Variants in ANKRD28 observed in about 807,000 individuals in gnomAD.
ANKRD28 encodes ankyrin repeat domain 28, also known as serine/threonine-protein phosphatase 6 regulatory ankyrin repeat subunit A.
A neutral mutation model predicts 126.5 loss-of-function variants in ANKRD28; 44 were observed. The ratio of observed to expected loss-of-function variants is 0.35; its 90% CI spans 0.27 to 0.45. The LOEUF is 0.45. Among genes scored for constraint, ANKRD28 ranks in the 20% least tolerant of loss-of-function variants. ANKRD28 has a pLI of 1.00. For missense variants in ANKRD28, 1,110 were observed against 1,316.6 expected (o/e 0.84, Z 2.43); for synonymous variants, 442 against 468.5 (o/e 0.94, Z 0.73).
chr3:15,721,662 T>C (rs1031554427), intron 7 of ANKRD28, among the ~76,000 whole-genome samples: 2 of 152,254 alleles, frequency 1.3e-5, no homozygotes, highest in Non-Finnish European at 2.9e-5. Context: ...GCTCTAAATA[T>C]CTTCCAGTGT....
At chr3:15,800,223 A>AT (rs1227384362), upstream of ANKRD28, among the ~76,000 whole-genome samples, 1 of 152,028 alleles carries the variant, frequency 6.6e-6, no homozygotes, top group Non-Finnish European at 1.5e-5. Context: ...ACCTGCAAAG[A>AT]TTTTTGTCTA....
At chr3:15,822,140 A>C (rs1417849972) in intron 1 of ANKRD28, among the ~76,000 whole-genome samples, 2 of 152,208 alleles carry the variant, frequency 1.3e-5, no homozygotes, top group African/African-American at 4.8e-5. Context: ...ACTCATGAAG[A>C]CCCTAAACTT....
In ANKRD28 at chr3:15,695,771, C is replaced by T. The variant is rs114712759; in HGVS notation, c.1659+363G>A. 8.6e-3 allele frequency among the ~76,000 whole-genome samples: 1,312 copies of T among 152,042 alleles called. 20 individuals are homozygous for T. Among genetic ancestry groups the T allele is most frequent in the African/African-American group, 0.03 (1,226 of 41,496 alleles). ...GAAATAAATGTGCCTTTTGGAATTCCCTAAATATATGGGGGAGATATTCCT... is the reference window on the plus strand; with the variant it reads ...GAAATAAATGTGCCTTTTGGAATTCTCTAAATATATGGGGGAGATATTCCT... On this transcript the variant is annotated intron_variant, in intron 15 of 27. Coordinates refer to ENST00000683139, the MANE Select transcript of ANKRD28 (RefSeq NM_001349278.2).
At chr3:15,686,497 A>G in intron 18 of ANKRD28, 188 bp from the exon 19 acceptor site, 1 of 596,638 alleles carries the variant, frequency 1.7e-6, no homozygotes, top group Non-Finnish European at 2.9e-6. Flanking sequence ...AATAAATGTG[A>G]ATTCCTCACA....
At chr3:15,676,783 C>T in intron 26 of ANKRD28, 191 bp downstream of exon 26, 2 of 435,798 alleles carry the variant, frequency 4.6e-6, no homozygotes, top group East Asian at 3.9e-5. Flanking sequence ...AATTTCAGTT[C>T]AAAAGCATTT....
chr3:15,769,191 T>C (rs944538878), intron 2 of ANKRD28, among the ~76,000 whole-genome samples: 1 of 152,210 alleles, frequency 6.6e-6, no homozygotes, highest in Non-Finnish European at 1.5e-5. Context: ...TGGAATTCTA[T>C]GACTCAATGC....
intron 4 of ANKRD28, among the ~76,000 whole-genome samples, chr3:15,749,121 T>TTTTTTTTTTTTTTTTTTG: frequency 8.2e-6 from 1 of 121,356 alleles, no homozygotes; most frequent in East Asian, 2.6e-4. Flanking sequence ...TTTTTTTTTT[T>TTTTTTTTTTTTTTTTTTG]GAGACGGAGT....
upstream of ANKRD28, chr3:15,798,163 T>C: frequency 1.0e-6 from 1 of 985,412 alleles, no homozygotes; most frequent in South Asian, 4.7e-5. Flanking sequence ...AAATCTGGTG[T>C]ACTGCCTCTG....
At chr3:15,725,033 G>A (rs1329892660) in intron 6 of ANKRD28, among the ~76,000 whole-genome samples, 2 of 152,086 alleles carry the variant, frequency 1.3e-5, no homozygotes, top group Non-Finnish European at 2.9e-5. Flanking sequence ...GTAAGTGTTG[G>A]CAGAGACAAT....
At chr3:15,673,270 A>G (rs1273240967) in intron 27 of ANKRD28, among the ~76,000 whole-genome samples, 1 of 152,252 alleles carries the variant, frequency 6.6e-6, no homozygotes, top group Non-Finnish European at 1.5e-5. Context: ...TTTTAAGTGC[A>G]TCGTTAATAG....
chr3:15,850,198 AAAAAAAAT>A (rs1166090732), intron 1 of ANKRD28, among the ~76,000 whole-genome samples: 3 of 42,128 alleles, frequency 7.1e-5, no homozygotes, highest in African/African-American at 2.2e-4. Context: ...AATAAAAAAA[AAAAAAAAT>A]ATATATATAT....
chr3:15,761,526 A>G (rs2058457227), intron 3 of ANKRD28, among the ~76,000 whole-genome samples: 1 of 152,212 alleles, frequency 6.6e-6, no homozygotes, highest in Admixed American at 6.5e-5. Flanking sequence ...GGGCCTCAGC[A>G]ACCATGGCAT....
Position 15,797,976 on chromosome 3 carries a change from A to T in ANKRD28, c.-1455T>A. On this transcript the variant is annotated 5_prime_UTR_variant, in exon 1 of 28. Coordinates refer to ENST00000683139, the MANE Select transcript of ANKRD28 (RefSeq NM_001349278.2). ...TGCTCACATGTTACACTTACCAGAG[A>T]TCTGAGCTACTTCTCGGGATGTAAC... 2.0e-6 allele frequency: 2 copies of T among 985,396 alleles called. No individual in the cohort carries two copies. The highest frequency in any genetic ancestry group is 4.7e-5 in the South Asian group (1 of 21,288). The allele number at this position is 985,396 out of a possible 1,614,324, so 61.0% of individuals were successfully genotyped here.
At chr3:15,731,215 AT>A (rs2074569878) in intron 6 of ANKRD28, among the ~76,000 whole-genome samples, 1 of 152,234 alleles carries the variant, frequency 6.6e-6, no homozygotes, top group South Asian at 2.1e-4. Flanking sequence ...CAACAGAGCC[AT>A]TCTGGCCCCC....
At chr3:15,758,515 G>C (rs1004431237) in intron 3 of ANKRD28, among the ~76,000 whole-genome samples, 3 of 152,198 alleles carry the variant, frequency 2.0e-5, no homozygotes, top group African/African-American at 4.8e-5. Flanking sequence ...ATTAAAATGA[G>C]GTCATTAGGG....
chr3:15,670,625 G>A (rs942641143), intron 27 of ANKRD28, 69 bp from the exon 28 acceptor site: 25 of 1,450,492 alleles, frequency 1.7e-5, no homozygotes, highest in Middle Eastern at 3.6e-4. Context: ...AAGGAAATAA[G>A]CCTAAAGTAC....
At chr3:15,767,052 T>C (rs893396766) in intron 2 of ANKRD28, among the ~76,000 whole-genome samples, 1 of 152,208 alleles carries the variant, frequency 6.6e-6, no homozygotes, top group South Asian at 2.1e-4. Context: ...AGTTTTTTCT[T>C]AACATTCCTG....
intron 14 of ANKRD28, among the ~76,000 whole-genome samples, chr3:15,706,046 AC>A (rs2071327807): frequency 1.0e-5 from 1 of 95,434 alleles, no homozygotes; most frequent in South Asian, 2.9e-4. Flanking sequence ...ACAAAAACAA[AC>A]AAAAAACCCC....
At chr3:15,777,880 ACACACACACAC>A (rs2059362651) in intron 2 of ANKRD28, among the ~76,000 whole-genome samples, 1 of 150,904 alleles carries the variant, frequency 6.6e-6, no homozygotes, top group East Asian at 1.9e-4. Flanking sequence ...ACACACACAC[ACACACACACAC>A]ACACACACAC....
Sources: allele counts gnomAD v4.1 joint callset (sites outside exome capture counted in the v4.1 genomes callset), GRCh38; gene constraint gnomAD v4.1.1; transcripts MANE v1.5; gene names NCBI Gene and HGNC (gene_info 2026-07-23, HGNC 2026-07-21).